ARID5B: variants seen among roughly 807,000 people sequenced by gnomAD.
ARID5B encodes the protein AT-rich interaction domain 5B.
ARID5B carries 13 observed loss-of-function variants against 97.2 expected under a neutral mutation model. That is an observed-to-expected ratio of 0.13 (90% CI 0.09 to 0.21). ARID5B has a LOEUF of 0.21. Ranked by LOEUF, ARID5B falls within the 10% of genes least tolerant of loss-of-function variation. The probability of loss-of-function intolerance (pLI) is 1.00; values close to 1 mark genes in which losing one functional copy is unlikely to be tolerated. For missense variants in ARID5B, 1,210 were observed against 1,465.3 expected, an observed-to-expected ratio of 0.83 and a Z score of 2.84; for synonymous variants, 556 against 570.3, an observed-to-expected ratio of 0.97 and a Z score of 0.36.
chr10:62,053,698 A>G (rs956527761), intron 5 of ARID5B, among the ~76,000 whole-genome samples: 2 of 152,192 alleles, frequency 1.3e-5, no homozygotes, highest in African/African-American at 4.8e-5. Context: ...TCCCGTATGC[A>G]TTTTCTGAAG....
rs1434677299 is a variant in ARID5B at position 61,901,739 on chromosome 10, C to G, written c.21+9C>G. On this transcript the variant is annotated intron_variant, in intron 1 of 9. Coordinates refer to ENST00000279873, the MANE Select transcript of ARID5B (RefSeq NM_032199.3). ...AGCCCAACTCACTCCAGGTATTTCG[C>G]TCTCCTCCGCTCCTCCGATCCCGGC... 3.1e-6 allele frequency: 5 copies of G among 1,613,614 alleles called. No homozygotes were observed. The highest frequency in any genetic ancestry group is 4.2e-6 in the Non-Finnish European group (5 of 1,179,798).
intron 2 of ARID5B, among the ~76,000 whole-genome samples, chr10:61,931,908 T>C (rs568891896): frequency 9.8e-5 from 15 of 152,296 alleles, no homozygotes; most frequent in African/African-American, 3.4e-4. Context: ...CTGTTGGGAA[T>C]GTAAAATGGT....
rs370638557 is a variant in ARID5B, at chr10:61,902,147, C to A, written c.22-12C>A. The A allele has an allele frequency of 3.1e-6, 5 of 1,605,466 alleles. No homozygotes were observed. In the African/African-American group the frequency reaches 5.4e-5, roughly 17 times the overall value. On this transcript the variant is annotated splice_polypyrimidine_tract_variant and intron_variant, in intron 1 of 9. Coordinates refer to ENST00000279873, the MANE Select transcript of ARID5B (RefSeq NM_032199.3). Reference sequence around the variant, plus strand: ...TACATTATTTATTTGGTGTTTTTTTCCCCCCCTGCAGTGGGTCGGCTCACC... The same window carrying A: ...TACATTATTTATTTGGTGTTTTTTTACCCCCCTGCAGTGGGTCGGCTCACC...
At position 62,030,874 on chromosome 10, in the gene ARID5B, C is replaced by T. The variant is rs184123303; in HGVS notation, c.734-20014C>T. On this transcript the variant is annotated intron_variant, in intron 4 of 9. Coordinates refer to ENST00000279873, the MANE Select transcript of ARID5B (RefSeq NM_032199.3). ...AGTACAACTTGCAGCTGAAAATGAC[C>T]GATTTTCTGATATCAGTTTCAAAGT... Among the ~76,000 whole-genome samples, 501 of 152,232 alleles carry T rather than the reference C, an allele frequency of 3.3e-3. 3 individuals are homozygous for T. Among genetic ancestry groups the T allele is most frequent in the African/African-American group, 0.011 (472 of 41,546 alleles).
chr10:62,031,800 G>C (rs1318190715), intron 4 of ARID5B, among the ~76,000 whole-genome samples: 8 of 152,160 alleles, frequency 5.3e-5, no homozygotes, highest in Admixed American at 5.2e-4. Context: ...TATGAGCCCA[G>C]AGTTGCCAGA....
intron 1 of ARID5B, 54 bp from the exon 2 acceptor site, chr10:61,902,105 G>T: frequency 6.3e-7 from 1 of 1,599,932 alleles, no homozygotes. Flanking sequence ...GGGAATAGAT[G>T]TTTGTGCTCT....
In ARID5B at chr10:62,013,753, A is replaced by G. The variant is rs185611248; in HGVS notation, c.733+13432A>G. ...CTTTCATGTTGTTGCAAATGGTGGC[A>G]GAATTTGCTTCTTTTTTAAGGCTAA... On this transcript the variant is annotated intron_variant, in intron 4 of 9. Transcript: ENST00000279873. 8.5e-3 allele frequency among the ~76,000 whole-genome samples: 1,284 copies of G among 150,670 alleles called. 12 individuals are homozygous for G. Among genetic ancestry groups the G allele is most frequent in the Non-Finnish European group, 0.013 (910 of 67,830 alleles).
intron 3 of ARID5B, among the ~76,000 whole-genome samples, chr10:61,974,510 T>C (rs1838673781): frequency 6.6e-6 from 1 of 152,234 alleles, no homozygotes; most frequent in South Asian, 2.1e-4. Context: ...TATTTCACTA[T>C]TTTTCCATAT....
At chr10:61,962,677 T>C (rs1838487921) in intron 3 of ARID5B, among the ~76,000 whole-genome samples, 1 of 152,226 alleles carries the variant, frequency 6.6e-6, no homozygotes, top group East Asian at 1.9e-4. Flanking sequence ...ACAAATATTA[T>C]GCAGGTAAAT....
chr10:61,907,716 A>C (rs940077907), intron 2 of ARID5B, among the ~76,000 whole-genome samples: 3 of 152,282 alleles, frequency 2.0e-5, no homozygotes, highest in Admixed American at 6.5e-5. Context: ...CTGTGACAAG[A>C]GTCAGCCAAG....
At chr10:61,947,877 T>G (rs1451760778) in intron 3 of ARID5B, among the ~76,000 whole-genome samples, 1 of 152,210 alleles carries the variant, frequency 6.6e-6, no homozygotes, top group Non-Finnish European at 1.5e-5. Flanking sequence ...CCATCACTCA[T>G]GAAGGCACAA....
At chr10:61,948,325 TG>T (rs1838270010) in intron 3 of ARID5B, among the ~76,000 whole-genome samples, 1 of 151,406 alleles carries the variant, frequency 6.6e-6, no homozygotes, top group Non-Finnish European at 1.5e-5. Flanking sequence ...CCCTAAGATG[TG>T]CTTTCAGAAT....
intron 9 of ARID5B, among the ~76,000 whole-genome samples, chr10:62,087,224 A>G (rs1447279885): frequency 6.1e-5 from 8 of 132,070 alleles, no homozygotes; most frequent in Non-Finnish European, 9.4e-5. Context: ...GCGTGAACCC[A>G]GGAGGCGGAG....
At chr10:61,957,844 T>C (rs1838413957) in intron 3 of ARID5B, among the ~76,000 whole-genome samples, 1 of 152,248 alleles carries the variant, frequency 6.6e-6, no homozygotes, top group South Asian at 2.1e-4. Flanking sequence ...TAGAGAGATT[T>C]GGACAAATGC....
At chr10:61,960,027 A>T (rs1838447479) in intron 3 of ARID5B, among the ~76,000 whole-genome samples, 1 of 152,190 alleles carries the variant, frequency 6.6e-6, no homozygotes, top group Non-Finnish European at 1.5e-5. Flanking sequence ...CAGAACCATT[A>T]TGCTGTGAAG....
chr10:62,077,128 C>T (rs924887509), intron 8 of ARID5B, among the ~76,000 whole-genome samples: 2 of 152,210 alleles, frequency 1.3e-5, no homozygotes, highest in African/African-American at 4.8e-5. Flanking sequence ...TGCAAACACC[C>T]TACACCCAGA....
chr10:61,986,834 T>C (rs1423457789), intron 3 of ARID5B, among the ~76,000 whole-genome samples: 1 of 152,192 alleles, frequency 6.6e-6, no homozygotes, highest in African/African-American at 2.4e-5. Flanking sequence ...GTTCACTGTG[T>C]GCTACATTAG....
chr10:61,909,410 C>T (rs866466767), intron 2 of ARID5B, among the ~76,000 whole-genome samples: 1 of 149,906 alleles, frequency 6.7e-6, no homozygotes, highest in African/African-American at 2.5e-5. Flanking sequence ...ACTGCCAGCT[C>T]CGCCTCCCGG....
chr10:62,044,129 T>C (rs770063144), intron 4 of ARID5B, among the ~76,000 whole-genome samples: 20 of 152,042 alleles, frequency 1.3e-4, no homozygotes, highest in Admixed American at 9.2e-4. Flanking sequence ...GCAGAGTTCA[T>C]TGGAAATGCT....
Sources: allele counts gnomAD v4.1 joint callset (sites outside exome capture counted in the v4.1 genomes callset), GRCh38; gene constraint gnomAD v4.1.1; transcripts MANE v1.5; gene names NCBI Gene and HGNC (gene_info 2026-07-23, HGNC 2026-07-21).